Variants in NCKAP5 observed in about 807,000 individuals in gnomAD.
NCKAP5 encodes NCK associated protein 5, also known as nck-associated protein 5.
A neutral mutation model predicts 167.0 loss-of-function variants in NCKAP5; 92 were observed. The ratio of observed to expected loss-of-function variants is 0.55; its 90% CI spans 0.47 to 0.66. NCKAP5 has a LOEUF of 0.66. NCKAP5 is among the 30% of genes least tolerant of loss of function. The pLI is 0.00. For synonymous variants in NCKAP5, 891 were observed against 877.4 expected, an observed-to-expected ratio of 1.02 and a Z score of -0.27; for missense variants, 2,378 against 2,315.0, an observed-to-expected ratio of 1.03 and a Z score of -0.56.
intron 3 of NCKAP5, among the ~76,000 whole-genome samples, chr2:133,396,553 T>A (rs891210702): frequency 2.6e-5 from 4 of 152,286 alleles, no homozygotes; most frequent in African/African-American, 9.6e-5. Context: ...TAACAAAGCA[T>A]CCCTTGGCTT....
At chr2:133,316,434 G>A (rs1407315867) in intron 3 of NCKAP5, among the ~76,000 whole-genome samples, 6 of 152,136 alleles carry the variant, frequency 3.9e-5, no homozygotes, top group Admixed American at 1.3e-4. Flanking sequence ...CAAGAGGACC[G>A]TCAAACTATT....
intron 3 of NCKAP5, among the ~76,000 whole-genome samples, chr2:133,481,255 C>T (rs1680403196): frequency 6.6e-6 from 1 of 152,156 alleles, no homozygotes; most frequent in Admixed American, 6.6e-5. Context: ...ATGCCCACAC[C>T]TGGCATGATG....
At chr2:133,285,570 G>C (rs957673138) in intron 4 of NCKAP5, among the ~76,000 whole-genome samples, 51 of 152,252 alleles carry the variant, frequency 3.3e-4, no homozygotes, top group African/African-American at 1.2e-3. Context: ...GGGGATAGTG[G>C]AATTGGATTT....
chr2:133,379,598 G>C (rs186353281), intron 3 of NCKAP5, among the ~76,000 whole-genome samples: 55 of 152,242 alleles, frequency 3.6e-4, no homozygotes, highest in Non-Finnish European at 6.8e-4. Flanking sequence ...GCTCCATGTG[G>C]ACAGGAACCA....
chr2:132,860,610 T>A lies in NCKAP5; in HGVS notation c.689A>T (p.Asp230Val), dbSNP rs1689816615. 1.9e-6 allele frequency: 3 copies of A among 1,568,840 alleles called. No homozygotes were observed. The highest frequency in any genetic ancestry group is 4.6e-5 in the East Asian group (2 of 43,122). ...CAACTTCACACATTCCTCTCTTAGA[T>A]CCTACAACAAACACATCGAAGGAGG... ...QVVQALLTQK[D>V]LREECVKLKT... Residue 230 changes from aspartate (D) to valine (V), a missense_variant and splice_region_variant, in exon 11 of 20, where the codon GAT becomes GTT. Around this residue, in one of 3 missense-constraint regions of NCKAP5, gnomAD observed 1,049 missense variants for 1,023.4 expected, o/e 1.02. Coordinates refer to ENST00000409261, the MANE Select transcript of NCKAP5 (RefSeq NM_207363.3).
chr2:133,564,823 G>A (rs977364034), intron 1 of NCKAP5, among the ~76,000 whole-genome samples: 3 of 152,166 alleles, frequency 2.0e-5, no homozygotes, highest in African/African-American at 7.2e-5. Context: ...GGTAGGCACA[G>A]GGCAGGAGTC....
intron 6 of NCKAP5, among the ~76,000 whole-genome samples, chr2:133,038,022 T>C (rs1408412770): frequency 6.6e-6 from 1 of 152,146 alleles, no homozygotes; most frequent in African/African-American, 2.4e-5. Context: ...TTGGTGGGAA[T>C]GTAAATTAGT....
chr2:133,272,882 T>C (rs1164636266), intron 4 of NCKAP5, among the ~76,000 whole-genome samples: 1 of 152,206 alleles, frequency 6.6e-6, no homozygotes, highest in Non-Finnish European at 1.5e-5. Context: ...CACGTATTGG[T>C]GCTTCATTCC....
intron 5 of NCKAP5, among the ~76,000 whole-genome samples, chr2:133,145,175 G>A (rs13389721): frequency 0.058 from 8,868 of 151,810 alleles, 363 homozygotes; most frequent in East Asian, 0.17. Context: ...ATACAGTAAG[G>A]CTCTGTAGTG....
At chr2:133,307,350 T>C (rs1680851768) in intron 3 of NCKAP5, among the ~76,000 whole-genome samples, 2 of 152,128 alleles carry the variant, frequency 1.3e-5, no homozygotes, top group Admixed American at 1.3e-4. Flanking sequence ...TGATAAGATT[T>C]GAAATGCAAA....
intron 19 of NCKAP5, among the ~76,000 whole-genome samples, chr2:132,718,949 C>T (rs1689639624): frequency 6.6e-6 from 1 of 152,152 alleles, no homozygotes; most frequent in Non-Finnish European, 1.5e-5. Flanking sequence ...GGAGTAGTAA[C>T]TGGACTTTGG....
intron 11 of NCKAP5, among the ~76,000 whole-genome samples, chr2:132,858,260 C>G (rs1158573491): frequency 6.6e-6 from 1 of 152,138 alleles, no homozygotes; most frequent in Non-Finnish European, 1.5e-5. Context: ...CTCAGACATA[C>G]TGGGCTGGAA....
the NCKAP5 span, among the ~76,000 whole-genome samples, chr2:133,592,059 TACAC>T: frequency 0.044 from 6,679 of 150,566 alleles, 260 homozygotes; most frequent in East Asian, 0.18. Context: ...AGGATCATTC[TACAC>T]ACACACACAC....
chr2:133,265,491 C>T (rs913928027), intron 4 of NCKAP5, among the ~76,000 whole-genome samples: 5 of 152,196 alleles, frequency 3.3e-5, no homozygotes, highest in Non-Finnish European at 5.9e-5. Flanking sequence ...ACCAGCGCTC[C>T]GCTCTGTTCC....
At chr2:132,935,967 T>A (rs1696813404) in intron 8 of NCKAP5, among the ~76,000 whole-genome samples, 1 of 151,014 alleles carries the variant, frequency 6.6e-6, no homozygotes, top group Admixed American at 6.6e-5. Context: ...CTACCTTAAA[T>A]AATATTTTTT....
At chr2:132,926,247 A>G (rs966237848) in intron 8 of NCKAP5, 1 of 331,430 alleles carries the variant, frequency 3.0e-6, no homozygotes, top group Admixed American at 2.8e-5. Flanking sequence ...AGCCACTAGT[A>G]TTCCATTGTG....
chr2:133,175,150 G>A (rs1465987591), intron 5 of NCKAP5, among the ~76,000 whole-genome samples: 1 of 152,048 alleles, frequency 6.6e-6, no homozygotes, highest in Non-Finnish European at 1.5e-5. Flanking sequence ...GGGGTCATCT[G>A]TATATAACTT....
chr2:133,045,010 G>C (rs576958052), intron 6 of NCKAP5, among the ~76,000 whole-genome samples: 14 of 150,268 alleles, frequency 9.3e-5, no homozygotes, highest in Admixed American at 3.3e-4. Flanking sequence ...AGCTAAGAAG[G>C]CACCACTACA....
chr2:133,034,252 T>C (rs561823974), intron 6 of NCKAP5, among the ~76,000 whole-genome samples: 3 of 151,342 alleles, frequency 2.0e-5, no homozygotes, highest in Non-Finnish European at 4.4e-5. Flanking sequence ...TACCCTAGAA[T>C]AGTATATCCA....
Sources: gnomAD v4.1 joint callset for allele counts (sites outside exome capture counted in the v4.1 genomes callset) on GRCh38, gnomAD v4.1.1 for gene constraint, gnomAD v4.1.1 regional missense constraint, MANE v1.5 for transcripts, NCBI Gene and HGNC (gene_info 2026-07-23, HGNC 2026-07-21) for gene names.